NMRK2: variants seen among roughly 807,000 people sequenced by gnomAD.
The protein encoded by NMRK2 is NRK 2.
Under a neutral mutation model 24.7 loss-of-function variants are expected in NMRK2, and 34 were observed. The observed-to-expected ratio is 1.37, with a 90% CI of 1.05 to 1.83. The LOEUF is 1.83. Ranked by LOEUF, NMRK2 falls within the 40% of genes most tolerant of loss-of-function variation. The pLI, the probability that NMRK2 is intolerant of heterozygous loss-of-function variation, is 0.00. For synonymous variants in NMRK2, 145 were observed against 125.6 expected (o/e 1.15, Z -1.03); for missense variants, 341 against 315.0 (o/e 1.08, Z -0.62).
chr19:3,937,218 G>C (rs2039229065), intron 3 of NMRK2, 22 bp from the exon 4 acceptor site: 2 of 1,612,512 alleles, frequency 1.2e-6, no homozygotes, highest in Non-Finnish European at 1.7e-6. Flanking sequence ...CTGAGCCCGA[G>C]GTTCAGGCTC....
chr19:3,938,062 G>A lies in NMRK2; in HGVS notation c.167-541G>A, dbSNP rs142264793. 6.3e-3 allele frequency among the ~76,000 whole-genome samples: 817 copies of A among 130,582 alleles called. 7 individuals carry two copies. The highest frequency in any genetic ancestry group is 0.01 in the Non-Finnish European group (621 of 60,288). 85.7% of individuals were successfully genotyped at this position (130,582 alleles called of 152,430 possible). A position where few individuals can be genotyped will look rare whatever the true frequency, so the allele number is the denominator to read the frequency against. On this transcript the variant is annotated intron_variant, in intron 4 of 7. Coordinates refer to ENST00000168977, the MANE Select transcript of NMRK2 (RefSeq NM_170678.3). ...CTGCTCCCCGTCCACTGTCCCCCCG[G>A]GGTCCACCCTCCTGCAATACCTGCT...
chr19:3,938,314 G>A (rs1354966593), intron 4 of NMRK2, among the ~76,000 whole-genome samples: 11 of 122,732 alleles, frequency 9.0e-5, no homozygotes, highest in African/African-American at 2.4e-4. Context: ...TGCAATGCCC[G>A]CTCCCCGTCC....
intron 5 of NMRK2, among the ~76,000 whole-genome samples, chr19:3,939,539 C>G (rs1410005290): frequency 6.6e-6 from 1 of 151,968 alleles, no homozygotes; most frequent in Non-Finnish European, 1.5e-5. Context: ...ACTAAAAACT[C>G]AAGTCTGGGA....
chr19:3,939,454 C>T (rs1293574928), intron 5 of NMRK2, among the ~76,000 whole-genome samples: 1 of 151,902 alleles, frequency 6.6e-6, no homozygotes, highest in East Asian at 1.9e-4. Context: ...GTGGAGGTTG[C>T]AGTAAGCCGA....
At chr19:3,936,858 T>G (rs1335873570) in intron 3 of NMRK2, among the ~76,000 whole-genome samples, 193 bp downstream of exon 3, 1 of 152,106 alleles carries the variant, frequency 6.6e-6, no homozygotes, top group South Asian at 2.1e-4. Context: ...TGTTCCCATT[T>G]CCTAAGCACC....
In NMRK2 at chr19:3,942,394, T is replaced by A; in HGVS notation, c.*121T>A. On this transcript the variant is annotated 3_prime_UTR_variant, in exon 8 of 8. Transcript: ENST00000168977. ...TGTAACCTCGCTGCAGCTTCAGTAG[T>A]AAACTGGGTCCTGTTTTTTTAACTG... The A allele has an allele frequency of 1.2e-6, 1 of 831,598 alleles. No individual in the cohort carries two copies. The highest frequency in any genetic ancestry group is 1.8e-6 in the Non-Finnish European group (1 of 543,410). The allele number at this position is 831,598 out of a possible 1,614,324, so 51.5% of individuals were successfully genotyped here.
intron 5 of NMRK2, among the ~76,000 whole-genome samples, chr19:3,939,436 C>G (rs568932046): frequency 2.8e-4 from 42 of 152,078 alleles, no homozygotes; most frequent in African/African-American, 6.3e-4. Context: ...ATCGCTTGAA[C>G]CCGGGAAGTG....
intron 5 of NMRK2, among the ~76,000 whole-genome samples, chr19:3,939,627 C>A (rs111538147): frequency 1.9e-4 from 29 of 152,288 alleles, no homozygotes; most frequent in East Asian, 1.9e-4. Flanking sequence ...GTAACCTAGG[C>A]TGCGCCCTCT....
Position 3,936,764 on chromosome 19 carries a change from G to T in NMRK2, c.117+99G>T, listed in dbSNP as rs949155753. On this transcript the variant is annotated intron_variant, in intron 3 of 7. Transcript: ENST00000168977. ...CCTCCACTGCCCAGTGCCCGTGTGG[G>T]CTGGGCACTGGCTCCACTCCCTGCC... 42 of 988,780 alleles carry T rather than the reference G, an allele frequency of 4.2e-5. No individual in the cohort carries two copies. The African/African-American group carries it at 6.2e-4, about 15-fold the overall frequency. 61.3% of individuals were successfully genotyped at this position (988,780 alleles called of 1,614,324 possible).
At chr19:3,934,840 C>G (rs559039897) in intron 2 of NMRK2, among the ~76,000 whole-genome samples, 495 of 152,246 alleles carry the variant, frequency 3.3e-3, no homozygotes, top group Admixed American at 4.8e-3. Flanking sequence ...GTCTCAGCCT[C>G]CCAAAGTGCT....
rs1599160739 is a variant in NMRK2 at position 3,937,170 on chromosome 19, C to T, written c.118-70C>T. 4 of 1,524,974 alleles carry T rather than the reference C, an allele frequency of 2.6e-6. No homozygotes were observed. In the East Asian group the frequency reaches 9.1e-5, roughly 35 times the overall value. The allele number at this position is 1,524,974 out of a possible 1,614,324, so 94.5% of individuals were successfully genotyped here. A position where few individuals can be genotyped will look rare whatever the true frequency, so the allele number is the denominator to read the frequency against. ...AGCTCCAGCAAGGGACCCCCTAAGA[C>T]TCCATCACCCAGGCCGGGGGTGAGG... On this transcript the variant is annotated intron_variant, in intron 3 of 7. Transcript: ENST00000168977.
chr19:3,939,386 T>TCTCTG, intron 5 of NMRK2, among the ~76,000 whole-genome samples: 1 of 151,848 alleles, frequency 6.6e-6, no homozygotes, highest in Non-Finnish European at 1.5e-5. Flanking sequence ...TGGTGGCGTG[T>TCTCTG]GCCTGTAATC....
At chr19:3,933,881 G>A (rs1225876322) in intron 2 of NMRK2, among the ~76,000 whole-genome samples, 184 bp downstream of exon 2, 1 of 152,030 alleles carries the variant, frequency 6.6e-6, no homozygotes, top group African/African-American at 2.4e-5. Context: ...GGGAAGGGGG[G>A]CTGGACACTG....
At chr19:3,941,827 G>C (rs192422279) in intron 7 of NMRK2, among the ~76,000 whole-genome samples, 1 of 152,072 alleles carries the variant, frequency 6.6e-6, no homozygotes, top group Non-Finnish European at 1.5e-5. Flanking sequence ...ATTTTTAGTA[G>C]AGATGGGGTT....
Position 3,939,771 on chromosome 19 carries a change from A to G in NMRK2, c.324-129A>G. ...AATTCAGCTTCCCTCCCTGACCCCT[A>G]AACTCACTGGCCCAGACCACCCCAT... On this transcript the variant is annotated intron_variant, in intron 5 of 7. Transcript: ENST00000168977. 4.1e-6 allele frequency: 3 copies of G among 723,296 alleles called. No homozygotes were observed. In the East Asian group the frequency reaches 8.2e-5, roughly 20 times the overall value. The allele number at this position is 723,296 out of a possible 1,614,324, so 44.8% of individuals were successfully genotyped here.
In NMRK2 at chr19:3,939,894, G is replaced by A. The variant is rs772058188; in HGVS notation, c.324-6G>A. On this transcript the variant is annotated splice_polypyrimidine_tract_variant and splice_region_variant and intron_variant, in intron 5 of 7. Coordinates refer to ENST00000168977, the MANE Select transcript of NMRK2 (RefSeq NM_170678.3). ...GTGCTGACCGTGTCTCCCCCACTCC[G>A]CCCAGGCCCCTGGTGGACTTGTACA... The A allele has an allele frequency of 3.7e-5, 60 of 1,612,020 alleles. No homozygotes were observed. The highest frequency in any genetic ancestry group is 1.6e-4 in the Middle Eastern group (1 of 6,080).
At chr19:3,936,785 C>G in intron 3 of NMRK2, 120 bp downstream of exon 3, 4 of 762,734 alleles carry the variant, frequency 5.2e-6, no homozygotes, top group Non-Finnish European at 8.3e-6. Context: ...GCTCCACTCC[C>G]TGCCTGACCC....
Position 3,942,149 on chromosome 19 carries a change from C to T in NMRK2, c.569C>T (p.Ser190Leu), listed in dbSNP as rs141476437. 29 of 1,613,200 alleles carry T rather than the reference C, an allele frequency of 1.8e-5. No homozygotes were observed. The African/African-American group carries it at 2.1e-4, about 12-fold the overall frequency. ...FREVLEDIQN[S>L]LLNRSQESAP... is the part of the protein sequence containing the mutation. Reference sequence around the variant, plus strand: ...GAAGTCCTGGAAGACATTCAGAACTCGCTGCTGAACCGCTCCCAGGAATCA... The same window carrying T: ...GAAGTCCTGGAAGACATTCAGAACTTGCTGCTGAACCGCTCCCAGGAATCA... Residue 190 changes from serine (S) to leucine (L), a missense_variant, in exon 8 of 8, where the codon TCG becomes TTG. Physicochemically the swap from Ser to Leu is moderately radical, Grantham distance 145. Transcript: ENST00000168977.
chr19:3,942,233 G>T lies in NMRK2; in HGVS notation c.653G>T (p.Arg218Ile), dbSNP rs764640413. 6.2e-7 allele frequency: 1 copy of T among 1,612,284 alleles called. No homozygotes were observed. Residue 218 changes from arginine to isoleucine, a missense_variant, in exon 8 of 8, where the codon AGA becomes ATA. By Grantham distance (97) the Arg-to-Ile change is moderately conservative. Transcript: ENST00000168977. ...TQGPGRGCGH[R>I]TARPAASQQD... ...GGACCCGGACGCGGATGCGGCCACA[G>T]AACGGCCAGGCCTGCAGCGTCCCAG...
Sources: gnomAD v4.1 joint callset for allele counts (sites outside exome capture counted in the v4.1 genomes callset) on GRCh38, gnomAD v4.1.1 for gene constraint, MANE v1.5 for transcripts, NCBI Gene and HGNC (gene_info 2026-07-23, HGNC 2026-07-21) for gene names.